Variants in NIPBL observed in about 807,000 individuals in gnomAD.
NIPBL encodes NIPBL cohesin loading factor.
NIPBL carries 19 observed loss-of-function variants against 321.8 expected under a neutral mutation model. The observed-to-expected ratio is 0.06, with a 90% CI of 0.04 to 0.09. The LOEUF is 0.09. NIPBL is among the 10% of genes least tolerant of loss of function. The pLI is 1.00. For synonymous variants in NIPBL, 1,106 were observed against 1,114.1 expected, an observed-to-expected ratio of 0.99 and a Z score of 0.14; for missense variants, 2,210 against 3,327.0, an observed-to-expected ratio of 0.66 and a Z score of 8.26.
At chr5:36,977,846 G>T (rs1404822205) in intron 9 of NIPBL, among the ~76,000 whole-genome samples, 1 of 151,896 alleles carries the variant, frequency 6.6e-6, no homozygotes, top group Non-Finnish European at 1.5e-5. Flanking sequence ...TTATAAGTGA[G>T]AACCTGTAGT....
At chr5:37,031,214 G>A (rs1234992421) in intron 32 of NIPBL, among the ~76,000 whole-genome samples, 2 of 152,112 alleles carry the variant, frequency 1.3e-5, no homozygotes, top group Non-Finnish European at 2.9e-5. Context: ...TTGAACTCCA[G>A]ACCTCAGGTG....
chr5:36,981,358 T>C (rs1744113524), intron 9 of NIPBL, among the ~76,000 whole-genome samples: 2 of 151,678 alleles, frequency 1.3e-5, no homozygotes, highest in Admixed American at 1.3e-4. Flanking sequence ...TCTTAAGAAA[T>C]GTTTTACCTA....
At position 37,026,299 on chromosome 5, in the gene NIPBL, C is replaced by T. The variant is rs1294414798; in HGVS notation, c.5780C>T (p.Thr1927Ile). ...CCACACAATGACAAAGAAGCAATGA[C>T]AAGGAAAATTTTAAACATTACCGAT... ...PTPHNDKEAM[T>I]RKILNITDVV... is the part of the protein sequence containing the mutation. The change falls in exon 31 of 47, where the codon ACA becomes ATA. Residue 1927 changes from threonine (T) to isoleucine (I), a missense_variant. By Grantham distance (89) the Thr-to-Ile change is moderately conservative. This residue lies in a region of NIPBL where 69 missense variants were observed against 100.8 expected (regional missense o/e 0.68). Coordinates refer to ENST00000282516, the MANE Select transcript of NIPBL (RefSeq NM_133433.4). The T allele has an allele frequency of 1.9e-6, 3 of 1,610,716 alleles. No individual in the cohort carries two copies. The Admixed American group carries it at 5.0e-5, about 27-fold the overall frequency.
At chr5:36,987,441 A>AT (rs1214563950) in intron 10 of NIPBL, among the ~76,000 whole-genome samples, 1 of 152,210 alleles carries the variant, frequency 6.6e-6, no homozygotes, top group East Asian at 1.9e-4. Context: ...GAACATTTGC[A>AT]TCATCACAAA....
rs369095807 is a variant in NIPBL at position 36,932,946 on chromosome 5, T to C, written c.-79-20672T>C. 1.6e-4 allele frequency among the ~76,000 whole-genome samples: 25 copies of C among 152,074 alleles called. No individual in the cohort carries two copies. In the East Asian group the frequency reaches 4.7e-3, roughly 28 times the overall value. On this transcript the variant is annotated intron_variant, in intron 1 of 46. Coordinates refer to ENST00000282516, the MANE Select transcript of NIPBL (RefSeq NM_133433.4). ...GTGAGTAGCTGGGAGTACAGGCATA[T>C]AGGAGTACATTGGAGTACAGGTGTA... is the stretch of plus-strand genomic sequence containing the variant.
chr5:36,881,631 T>A (rs1233693574), intron 1 of NIPBL, among the ~76,000 whole-genome samples: 1 of 151,994 alleles, frequency 6.6e-6, no homozygotes, highest in Non-Finnish European at 1.5e-5. Flanking sequence ...CATTTGTTCT[T>A]ATGGATTCAG....
intron 1 of NIPBL, among the ~76,000 whole-genome samples, chr5:36,934,580 G>A (rs1032540809): frequency 1.3e-5 from 2 of 152,082 alleles, no homozygotes; most frequent in African/African-American, 4.8e-5. Flanking sequence ...ATGAATGGGA[G>A]CAATGGTAGA....
In NIPBL at chr5:37,007,364, A is replaced by G. The variant is rs1361928129; in HGVS notation, c.4129A>G (p.Thr1377Ala). The G allele has an allele frequency of 1.2e-6, 2 of 1,612,232 alleles. No homozygotes were observed. Among genetic ancestry groups the G allele is most frequent in the East Asian group, 2.2e-5 (1 of 44,680 alleles). Residue 1377 changes from threonine to alanine, a missense_variant, in exon 18 of 47, where the codon ACC becomes GCC. Physicochemically the swap from Thr to Ala is moderately conservative, Grantham distance 58. Around this residue, in one of 14 missense-constraint regions of NIPBL, gnomAD observed 381 missense variants for 642.3 expected, o/e 0.59. Coordinates refer to ENST00000282516, the MANE Select transcript of NIPBL (RefSeq NM_133433.4). ...AAAAGCAAAACGGGCTAAATGTTCT[A>G]CCCATAAGCAGAGAGTAATAGTAAT... ...SSKAKRAKCS[T>A]HKQRVIVMLY...
chr5:36,958,050 T>G, intron 3 of NIPBL, 54 bp from the exon 4 acceptor site: 1 of 1,574,934 alleles, frequency 6.3e-7, no homozygotes, highest in Non-Finnish European at 8.7e-7. Context: ...ATGATAAGTC[T>G]TCTTAAGAAT....
chr5:37,014,885 C>T lies in NIPBL; in HGVS notation c.4643+120C>T. 5 of 685,590 alleles carry T rather than the reference C, an allele frequency of 7.3e-6. No homozygotes were observed. In the South Asian group the frequency reaches 8.2e-5, roughly 11 times the overall value. 42.5% of individuals were successfully genotyped at this position (685,590 alleles called of 1,614,324 possible). Reference sequence around the variant, plus strand: ...CTGAACCTTGAATACATCTTCCTGACACTTGGTTTCTTGATCTTTAAAATG... The same window carrying T: ...CTGAACCTTGAATACATCTTCCTGATACTTGGTTTCTTGATCTTTAAAATG... On this transcript the variant is annotated intron_variant, in intron 22 of 46. Transcript: ENST00000282516.
chr5:36,997,281 AT>A (rs985081631), intron 11 of NIPBL, among the ~76,000 whole-genome samples: 1 of 152,174 alleles, frequency 6.6e-6, no homozygotes, highest in East Asian at 1.9e-4. Flanking sequence ...TTCCAGTTTG[AT>A]TTCAAATGAC....
intron 17 of NIPBL, 32 bp from the exon 18 acceptor site, chr5:37,007,291 G>A (rs113969721): frequency 6.3e-7 from 1 of 1,592,804 alleles, no homozygotes; most frequent in East Asian, 2.2e-5. Flanking sequence ...AAAAGTTGAT[G>A]TTTTCCTTAT....
At chr5:37,021,023 G>A (rs1749566566) in intron 27 of NIPBL, 146 bp downstream of exon 27, 6 of 735,548 alleles carry the variant, frequency 8.2e-6, no homozygotes, top group Non-Finnish European at 1.4e-5. Flanking sequence ...CTCCGGCCGG[G>A]TGTAGTGGCT....
intron 22 of NIPBL, among the ~76,000 whole-genome samples, chr5:37,014,988 C>G (rs2149689006): frequency 6.6e-6 from 1 of 152,080 alleles, no homozygotes; most frequent in African/African-American, 2.4e-5. Context: ...TGTGAATTTG[C>G]TTATATGTTA....
At chr5:37,032,155 T>C (rs750265037) in intron 32 of NIPBL, among the ~76,000 whole-genome samples, 1 of 152,212 alleles carries the variant, frequency 6.6e-6, no homozygotes, top group Non-Finnish European at 1.5e-5. Context: ...CAGATATAAG[T>C]TGACGATTGA....
At chr5:36,943,820 G>A (rs1311762887) in intron 1 of NIPBL, among the ~76,000 whole-genome samples, 1 of 152,126 alleles carries the variant, frequency 6.6e-6, no homozygotes, top group Non-Finnish European at 1.5e-5. Flanking sequence ...AGGAGAATGT[G>A]TTGTTCTGGA....
rs192029007 is a variant in NIPBL, at chr5:36,919,736, A to G, written c.-79-33882A>G. The stretch of plus-strand genomic sequence containing the variant: ...CCTCTACTTTTTTTCTAACACAGCA[A>G]ATTGATCCATATGCATAATGAAAAA... On this transcript the variant is annotated intron_variant, in intron 1 of 46. Transcript: ENST00000282516. Among the ~76,000 whole-genome samples the G allele has an allele frequency of 1.1e-4, 17 of 152,272 alleles. No homozygotes were observed. The East Asian group carries it at 3.3e-3, about 29-fold the overall frequency.
chr5:37,060,775 A>G (rs1383985783), intron 44 of NIPBL, 69 bp from the exon 45 acceptor site: 4 of 1,333,798 alleles, frequency 3.0e-6, no homozygotes, highest in Non-Finnish European at 4.2e-6. Flanking sequence ...CTTCCTACCT[A>G]TAATTGGATT....
intron 9 of NIPBL, 59 bp downstream of exon 9, chr5:36,976,461 A>C (rs977080001): frequency 1.8e-5 from 29 of 1,574,090 alleles, no homozygotes; most frequent in Non-Finnish European, 2.4e-5. Flanking sequence ...TTATAGTGTC[A>C]AAAATTTTTT....
Sources: gnomAD v4.1 joint callset for allele counts (sites outside exome capture counted in the v4.1 genomes callset) on GRCh38, gnomAD v4.1.1 for gene constraint, gnomAD v4.1.1 regional missense constraint, MANE v1.5 for transcripts, NCBI Gene and HGNC (gene_info 2026-07-23, HGNC 2026-07-21) for gene names.